The following GDAP2 variants were observed in gnomAD, a reference collection of about 807,000 sequenced individuals.
GDAP2 encodes the protein ganglioside induced differentiation associated protein 2.
Under a neutral mutation model 67.0 loss-of-function variants are expected in GDAP2, and 51 were observed. The ratio of observed to expected loss-of-function variants is 0.76; its 90% CI spans 0.61 to 0.96. The LOEUF is 0.96. Ranked by LOEUF, GDAP2 falls within the 40% of genes least tolerant of loss-of-function variation. The pLI, the probability that GDAP2 is intolerant of heterozygous loss-of-function variation, is 0.00. For missense variants in GDAP2, 547 were observed against 588.3 expected, an observed-to-expected ratio of 0.93 and a Z score of 0.73; for synonymous variants, 203 against 207.3, an observed-to-expected ratio of 0.98 and a Z score of 0.18.
chr1:117,901,681 TTA>T (rs1649474332), intron 6 of GDAP2, among the ~76,000 whole-genome samples: 1 of 151,082 alleles, frequency 6.6e-6, no homozygotes, highest in African/African-American at 2.5e-5. Context: ...TGTATGTTAA[TTA>T]TGTTTAATTT....
At position 117,909,267 on chromosome 1, in the gene GDAP2, A is replaced by G. The variant is rs765230056; in HGVS notation, c.560-2685T>C. On this transcript the variant is annotated intron_variant, in intron 5 of 13. Transcript: ENST00000369443. ...ATTTCTCACCACTGTAGTATTTTGT[A>G]TACAGCACATAGTAGTCACTTAAAT... 2.4e-4 allele frequency among the ~76,000 whole-genome samples: 36 copies of G among 152,244 alleles called. 1 individual carries two copies. Among genetic ancestry groups the G allele is most frequent in the Non-Finnish European group, 8.8e-5 (6 of 68,040 alleles).
In GDAP2 at chr1:117,900,540, G is replaced by A. The variant is rs200534797; in HGVS notation, c.637-1324C>T. 3.9e-5 allele frequency among the ~76,000 whole-genome samples: 6 copies of A among 152,216 alleles called. No individual in the cohort carries two copies. In the East Asian group the frequency reaches 1.2e-3, roughly 29 times the overall value. On this transcript the variant is annotated intron_variant, in intron 6 of 13. Coordinates refer to ENST00000369443, the MANE Select transcript of GDAP2 (RefSeq NM_017686.4). ...CACAGCATTCTAGGAGGCTGAGGTG[G>A]AGGTATCACGAGGTCAGGAGATTGA...
Position 117,864,826 on chromosome 1 carries a change from G to A in GDAP2, c.*5743C>T, listed in dbSNP as rs1425592983. ...TGCTTGTGAATGTCGTCTTCAGGAG[G>A]TAACTTCTATTATCACCAACCTCAC... On this transcript the variant is annotated 3_prime_UTR_variant, in exon 14 of 14. Transcript: ENST00000369443. 1 of 152,116 alleles carries A rather than the reference G, an allele frequency of 6.6e-6. No individual in the cohort carries two copies. The highest frequency in any genetic ancestry group is 1.5e-5 in the Non-Finnish European group (1 of 68,018). The allele number at this position is 152,116 out of a possible 1,614,324, so 9.4% of individuals were successfully genotyped here.
intron 5 of GDAP2, 69 bp from the exon 6 acceptor site, chr1:117,906,651 C>T: frequency 1.2e-6 from 1 of 833,094 alleles, no homozygotes; most frequent in South Asian, 1.5e-5. Flanking sequence ...AAATCAAGCT[C>T]TTCAATGTTT....
intron 8 of GDAP2, among the ~76,000 whole-genome samples, chr1:117,889,102 T>G (rs1648968233): frequency 6.6e-6 from 1 of 152,148 alleles, no homozygotes; most frequent in African/African-American, 2.4e-5. Context: ...GTCAAGAAAA[T>G]GCCTATGTTT....
intron 5 of GDAP2, among the ~76,000 whole-genome samples, chr1:117,909,463 T>C (rs1377320157): frequency 1.3e-5 from 2 of 152,160 alleles, no homozygotes; most frequent in African/African-American, 2.4e-5. Flanking sequence ...ATTTTGATAA[T>C]AGTTTAATAA....
intron 5 of GDAP2, among the ~76,000 whole-genome samples, chr1:117,910,783 T>C (rs1649828039): frequency 6.6e-6 from 1 of 152,202 alleles, no homozygotes; most frequent in Non-Finnish European, 1.5e-5. Flanking sequence ...ACTTTGCTGT[T>C]ACAGTTAGTA....
At chr1:117,893,032 G>A (rs184546196) in intron 8 of GDAP2, among the ~76,000 whole-genome samples, 119 of 152,070 alleles carry the variant, frequency 7.8e-4, no homozygotes, top group Non-Finnish European at 1.2e-3. Context: ...CCATGCAGGC[G>A]GGTGCTGTAT....
chr1:117,902,019 T>A (rs1649488037), intron 6 of GDAP2, among the ~76,000 whole-genome samples: 1 of 152,172 alleles, frequency 6.6e-6, no homozygotes, highest in African/African-American at 2.4e-5. Flanking sequence ...GAAAACTCAA[T>A]AAAGGCTCTG....
chr1:117,869,656 G>C lies in GDAP2; in HGVS notation c.*913C>G, dbSNP rs1394523678. The stretch of plus-strand genomic sequence containing the variant: ...TCAGCTCCCTGGATTTGTTCACTGT[G>C]ACACACTTCCTCCACACTGATGCAG... On this transcript the variant is annotated 3_prime_UTR_variant, in exon 14 of 14. Coordinates refer to ENST00000369443, the MANE Select transcript of GDAP2 (RefSeq NM_017686.4). 9.8e-5 allele frequency: 15 copies of C among 152,602 alleles called. No individual in the cohort carries two copies. Among genetic ancestry groups the C allele is most frequent in the Non-Finnish European group, 8.8e-5 (6 of 68,050 alleles). The allele number at this position is 152,602 out of a possible 1,614,324, so 9.5% of individuals were successfully genotyped here.
At chr1:117,870,639 G>A (rs1246873920) in intron 13 of GDAP2, 23 bp from the exon 14 acceptor site, 1 of 1,477,328 alleles carries the variant, frequency 6.8e-7, no homozygotes, top group Admixed American at 1.7e-5. Context: ...AAAAGGAGAA[G>A]AACATTTAAG....
At chr1:117,920,656 C>A in intron 1 of GDAP2, among the ~76,000 whole-genome samples, 1 of 150,302 alleles carries the variant, frequency 6.7e-6, no homozygotes, top group Non-Finnish European at 1.5e-5. Flanking sequence ...GAATTACAGC[C>A]ATTAAAATAA....
At chr1:117,893,864 C>T (rs935010306) in intron 8 of GDAP2, among the ~76,000 whole-genome samples, 2 of 151,996 alleles carry the variant, frequency 1.3e-5, no homozygotes, top group Non-Finnish European at 2.9e-5. Context: ...TTTATATCTA[C>T]CAGTTCTCAT....
At chr1:117,889,259 T>C (rs1178106067) in intron 8 of GDAP2, among the ~76,000 whole-genome samples, 1 of 152,138 alleles carries the variant, frequency 6.6e-6, no homozygotes, top group African/African-American at 2.4e-5. Flanking sequence ...TACGGATACA[T>C]TGTAAAATGG....
chr1:117,916,965 C>T (rs757829625), intron 3 of GDAP2, among the ~76,000 whole-genome samples: 7 of 150,004 alleles, frequency 4.7e-5, no homozygotes, highest in African/African-American at 7.4e-5. Flanking sequence ...ACCTGGGAGG[C>T]GGAGGTTGTG....
At chr1:117,878,708 C>T (rs1245397854) in intron 12 of GDAP2, among the ~76,000 whole-genome samples, 1 of 152,202 alleles carries the variant, frequency 6.6e-6, no homozygotes, top group African/African-American at 2.4e-5. Flanking sequence ...TTTCACTTGA[C>T]AACATGCAAT....
At chr1:117,870,702 A>C in intron 13 of GDAP2, 86 bp from the exon 14 acceptor site, 2 of 907,044 alleles carry the variant, frequency 2.2e-6, no homozygotes, top group South Asian at 2.7e-5. Context: ...ACAGTCATTG[A>C]GGTAGTGATA....
intron 8 of GDAP2, among the ~76,000 whole-genome samples, chr1:117,893,352 G>A (rs1355656087): frequency 1.3e-5 from 2 of 152,100 alleles, no homozygotes; most frequent in African/African-American, 4.8e-5. Flanking sequence ...ATCACAACTG[G>A]ATGACAGACC....
At chr1:117,877,258 T>G in intron 13 of GDAP2, 1 of 942,796 alleles carries the variant, frequency 1.1e-6, no homozygotes, top group Non-Finnish European at 1.3e-6. Flanking sequence ...GTATAAACAC[T>G]GCACAATAAT....
Sources: gnomAD v4.1 joint callset for allele counts (sites outside exome capture counted in the v4.1 genomes callset) on GRCh38, gnomAD v4.1.1 for gene constraint, MANE v1.5 for transcripts, NCBI Gene and HGNC (gene_info 2026-07-23, HGNC 2026-07-21) for gene names.